MAD1L1: variants seen among roughly 807,000 people sequenced by gnomAD.
MAD1L1 encodes the protein mitotic arrest deficient 1 like 1.
Under a neutral mutation model 96.9 loss-of-function variants are expected in MAD1L1, and 95 were observed. That is an observed-to-expected ratio of 0.98 (90% confidence interval 0.83 to 1.16). The LOEUF (loss-of-function observed/expected upper bound fraction) is 1.16. Ranked by LOEUF, MAD1L1 falls within the 50% of genes most tolerant of loss-of-function variation. The probability of loss-of-function intolerance (pLI) is 0.00; values close to 1 mark genes in which losing one functional copy is unlikely to be tolerated. For synonymous variants in MAD1L1, 473 were observed against 396.6 expected (o/e 1.19, Z -2.29); for missense variants, 1,007 against 954.4 (o/e 1.06, Z -0.73).
chr7:1,938,989 GCA>G (rs771225963), intron 16 of MAD1L1, among the ~76,000 whole-genome samples: 2 of 113,180 alleles, frequency 1.8e-5, no homozygotes, highest in Admixed American at 1.9e-4. Flanking sequence ...GACCAGAGGC[GCA>G]CACACACGCA....
In MAD1L1 at chr7:2,142,795, A is replaced by G. The variant is rs1276339248; in HGVS notation, c.1073+6357T>C. On this transcript the variant is annotated intron_variant, in intron 11 of 18. Transcript: ENST00000265854. The surrounding 1 kb of genome is among the most constrained non-coding windows in gnomAD (Gnocchi z 4.7). ...CCGAGAGCAGGTGGTCAGGTTGAGCATGAGACTTGCTGGGAACACATGGCT... is the reference window on the plus strand; with the variant it reads ...CCGAGAGCAGGTGGTCAGGTTGAGCGTGAGACTTGCTGGGAACACATGGCT... Among the ~76,000 whole-genome samples the G allele has an allele frequency of 6.6e-6, 1 of 152,230 alleles. No individual in the cohort carries two copies. Among genetic ancestry groups the G allele is most frequent in the African/African-American group, 2.4e-5 (1 of 41,460 alleles).
intron 11 of MAD1L1, among the ~76,000 whole-genome samples, chr7:2,125,407 C>G (rs574499122): frequency 1.1e-4 from 16 of 152,292 alleles, no homozygotes; most frequent in Non-Finnish European, 1.6e-4. Flanking sequence ...ATGTGTCCCC[C>G]GGGCGACAGC....
chr7:2,031,753 C>T (rs1041382618), intron 12 of MAD1L1, among the ~76,000 whole-genome samples: 1 of 152,262 alleles, frequency 6.6e-6, no homozygotes, highest in Non-Finnish European at 1.5e-5. Context: ...GCCTGACCCA[C>T]GCGGATATGG....
chr7:1,903,343 G>T (rs930097140), intron 17 of MAD1L1, among the ~76,000 whole-genome samples: 3 of 144,470 alleles, frequency 2.1e-5, no homozygotes, highest in Admixed American at 1.4e-4. Flanking sequence ...ACACTCTTGC[G>T]GAACTCATGA....
At chr7:1,990,368 G>A (rs1486970600) in intron 14 of MAD1L1, among the ~76,000 whole-genome samples, 1 of 152,212 alleles carries the variant, frequency 6.6e-6, no homozygotes, top group Non-Finnish European at 1.5e-5. Flanking sequence ...CTGGCACCAG[G>A]AAGGCTTCTG....
chr7:2,213,432 G>A (rs1038401978), intron 9 of MAD1L1, among the ~76,000 whole-genome samples, 159 bp from the exon 10 acceptor site: 3 of 152,188 alleles, frequency 2.0e-5, no homozygotes, highest in Admixed American at 2.0e-4. Flanking sequence ...GCTTGGAAGT[G>A]GCCGGGTTAT....
At chr7:2,159,403 G>A (rs1454321283) in intron 10 of MAD1L1, among the ~76,000 whole-genome samples, 1 of 152,158 alleles carries the variant, frequency 6.6e-6, no homozygotes, top group Non-Finnish European at 1.5e-5. Context: ...CTCTTCACTT[G>A]TTTGAGTCTT....
At chr7:1,936,627 C>CG in intron 17 of MAD1L1, 60 bp downstream of exon 17, 3 of 1,498,078 alleles carry the variant, frequency 2.0e-6, no homozygotes, top group Non-Finnish European at 2.7e-6. Context: ...CAAAGGCGCA[C>CG]GGATGGACCT....
chr7:2,008,737 C>T (rs1782149054), intron 13 of MAD1L1, among the ~76,000 whole-genome samples: 1 of 151,296 alleles, frequency 6.6e-6, no homozygotes, highest in Non-Finnish European at 1.5e-5. Flanking sequence ...GGCTCCATCC[C>T]AAACAGCCTC....
chr7:1,974,860 G>C (rs1325976189), intron 15 of MAD1L1, among the ~76,000 whole-genome samples: 2 of 152,268 alleles, frequency 1.3e-5, no homozygotes, highest in Non-Finnish European at 2.9e-5. Context: ...TGGGGACCAG[G>C]GGACCAGGGG....
intron 12 of MAD1L1, among the ~76,000 whole-genome samples, chr7:2,048,497 T>C (rs913271244): frequency 3.9e-5 from 6 of 152,254 alleles, no homozygotes; most frequent in African/African-American, 1.4e-4. Context: ...GCCCACTCAC[T>C]GCAGGTCCCA....
intron 15 of MAD1L1, among the ~76,000 whole-genome samples, chr7:1,957,930 G>T: frequency 6.6e-6 from 1 of 152,212 alleles, no homozygotes; most frequent in East Asian, 1.9e-4. Context: ...GTCCGTGGCG[G>T]CCCCTGCTCA....
In MAD1L1 at chr7:2,230,071, G is replaced by C. The variant is rs141404108; in HGVS notation, c.63C>G (p.Ile21Met). 1 of 1,612,764 alleles carries C rather than the reference G, an allele frequency of 6.2e-7. No homozygotes were observed. The highest frequency in any genetic ancestry group is 8.5e-7 in the Non-Finnish European group (1 of 1,179,474). ...LSTLRSLNNF[I>M]SQRVEGGSGL... is the part of the protein sequence containing the mutation. ...CAGAGCCTCCCTCCACACGCTGAGAGATGAAGTTGTTCAAAGATCTCAGGG... is the reference window on the plus strand; with the variant it reads ...CAGAGCCTCCCTCCACACGCTGAGACATGAAGTTGTTCAAAGATCTCAGGG... The change falls in exon 3 of 19, where the codon ATC becomes ATG. Residue 21 changes from isoleucine to methionine, a missense_variant. Transcript: ENST00000265854.
At chr7:2,033,738 C>T (rs1030957007) in intron 12 of MAD1L1, among the ~76,000 whole-genome samples, 3 of 152,222 alleles carry the variant, frequency 2.0e-5, no homozygotes, top group Non-Finnish European at 4.4e-5. Context: ...GTCACGGGCG[C>T]TTCTGGAAAA....
At position 2,064,779 on chromosome 7, in the gene MAD1L1, C is replaced by CGGCTTCTCCCAGGACGGA. The variant is rs1170895500; in HGVS notation, c.1218+4397_1218+4414dup. On this transcript the variant is annotated intron_variant, in intron 12 of 18. Coordinates refer to ENST00000265854, the MANE Select transcript of MAD1L1 (RefSeq NM_001013836.2). Reference sequence around the variant, plus strand: ...ATGGCAGCTTCTCCTAGGAATATGGCGGCTTCTCCCAGGACGGAGGCTTCT... The same window carrying CGGCTTCTCCCAGGACGGA: ...ATGGCAGCTTCTCCTAGGAATATGGCGGCTTCTCCCAGGACGGAGGCTTCTCCCAGGACGGAGGCTTCT... 6.6e-5 allele frequency among the ~76,000 whole-genome samples: 10 copies of CGGCTTCTCCCAGGACGGA among 151,914 alleles called. No homozygotes were observed. The East Asian group carries it at 1.9e-3, about 29-fold the overall frequency.
intron 18 of MAD1L1, among the ~76,000 whole-genome samples, chr7:1,843,282 T>C (rs1399849202): frequency 6.6e-6 from 1 of 152,170 alleles, no homozygotes; most frequent in Non-Finnish European, 1.5e-5. Context: ...TCTTCGGCAG[T>C]AAATCAACTA....
intron 10 of MAD1L1, among the ~76,000 whole-genome samples, chr7:2,165,677 A>C (rs1459321013): frequency 9.4e-6 from 1 of 106,752 alleles, no homozygotes; most frequent in Non-Finnish European, 2.0e-5. Context: ...GTCTCAGCTC[A>C]ACAGAATGGA....
At chr7:2,048,178 G>A (rs964617704) in intron 12 of MAD1L1, among the ~76,000 whole-genome samples, 1 of 152,150 alleles carries the variant, frequency 6.6e-6, no homozygotes, top group Admixed American at 6.5e-5. Flanking sequence ...TGAACACCCG[G>A]GTGCACGCAT....
At chr7:1,910,893 C>T (rs1358935789) in intron 17 of MAD1L1, among the ~76,000 whole-genome samples, 1 of 152,202 alleles carries the variant, frequency 6.6e-6, no homozygotes, top group Non-Finnish European at 1.5e-5. Flanking sequence ...TCAGGCGGGA[C>T]ATGGGCTCCA....
Sources: allele counts gnomAD v4.1 joint callset (sites outside exome capture counted in the v4.1 genomes callset), GRCh38; gene constraint gnomAD v4.1.1; non-coding constraint Gnocchi (gnomAD v3.1); transcripts MANE v1.5; gene names NCBI Gene and HGNC (gene_info 2026-07-23, HGNC 2026-07-21).